CDH2: variants seen among roughly 807,000 people sequenced by gnomAD.
CDH2 encodes the protein cadherin 2, also known as cadherin-2.
A neutral mutation model predicts 92.0 loss-of-function variants in CDH2; 17 were observed. That is an observed-to-expected ratio of 0.18 (90% CI 0.13 to 0.28). CDH2 has a LOEUF of 0.28. Ranked by LOEUF, CDH2 falls within the 10% of genes least tolerant of loss-of-function variation. The pLI, the probability that CDH2 is intolerant of heterozygous loss-of-function variation, is 1.00. For synonymous variants in CDH2, 419 were observed against 415.9 expected (o/e 1.01, Z -0.09); for missense variants, 862 against 1,133.1 (o/e 0.76, Z 3.44).
chr18:28,013,705 G>A lies in CDH2; in HGVS notation c.377C>T (p.Thr126Ile), dbSNP rs770426519. Residue 126 changes from threonine (T) to isoleucine (I), a missense_variant, in exon 3 of 16, where the codon ACC (threonine) becomes ATC (isoleucine). Transcript: ENST00000269141. ...QVAVKLSLKPTLTEESVKESA... is the reference protein window; with the variant it reads ...QVAVKLSLKPILTEESVKESA... ...TACCTTCACTGACTCCTCAGTTAAG[G>A]TTGGCTTCAGGCTCAATTTTACTGC... 5.6e-6 allele frequency: 9 copies of A among 1,613,504 alleles called. No homozygotes were observed. The South Asian group carries it at 6.6e-5, about 12-fold the overall frequency.
intron 1 of CDH2, among the ~76,000 whole-genome samples, chr18:28,155,561 G>A (rs1012639769): frequency 6.6e-5 from 10 of 152,138 alleles, no homozygotes; most frequent in South Asian, 4.1e-4. Flanking sequence ...TTCATGATAC[G>A]TGATTTGTGG....
intron 2 of CDH2, among the ~76,000 whole-genome samples, chr18:28,099,063 T>C (rs1161280613): frequency 6.6e-6 from 1 of 152,176 alleles, no homozygotes; most frequent in Non-Finnish European, 1.5e-5. Context: ...TATTTTCTTT[T>C]TGCTCATCTG....
At chr18:28,156,181 C>T (rs2016207357) in intron 1 of CDH2, among the ~76,000 whole-genome samples, 1 of 152,118 alleles carries the variant, frequency 6.6e-6, no homozygotes, top group South Asian at 2.1e-4. Flanking sequence ...AGGATGTGTC[C>T]TTGAGTATCT....
chr18:28,080,755 G>A (rs769160471), intron 2 of CDH2, among the ~76,000 whole-genome samples: 8 of 152,168 alleles, frequency 5.3e-5, no homozygotes, highest in Non-Finnish European at 1.0e-4. Context: ...ACTGAGCACC[G>A]TGGATCCTCA....
chr18:27,974,382 C>A (rs1216172420), intron 14 of CDH2, among the ~76,000 whole-genome samples: 1 of 152,168 alleles, frequency 6.6e-6, no homozygotes. Flanking sequence ...AGAATGCAGG[C>A]CATGTTTCCA....
chr18:28,155,588 G>A (rs930723088), intron 1 of CDH2, among the ~76,000 whole-genome samples: 1 of 152,118 alleles, frequency 6.6e-6, no homozygotes, highest in Non-Finnish European at 1.5e-5. Context: ...GGATGGAGCC[G>A]CAGTACAGGG....
At chr18:27,958,510 T>TGTATATTTGTATATACAC (rs2011310946) in intron 15 of CDH2, among the ~76,000 whole-genome samples, 2 of 150,134 alleles carry the variant, frequency 1.3e-5, no homozygotes, top group Admixed American at 6.7e-5. Context: ...TTTATATATG[T>TGTATATTTGTATATACAC]ATATATGTGT....
intron 14 of CDH2, among the ~76,000 whole-genome samples, chr18:27,964,258 T>C (rs9964071): frequency 0.035 from 5,382 of 152,298 alleles, 161 homozygotes; most frequent in African/African-American, 0.068. Flanking sequence ...AAAAACAATC[T>C]GTCCGCTTTC....
At position 28,081,705 on chromosome 18, in the gene CDH2, A is replaced by G. The variant is rs117007736; in HGVS notation, c.172+65968T>C. On this transcript the variant is annotated intron_variant, in intron 2 of 15. Transcript: ENST00000269141. Reference sequence around the variant, plus strand: ...AGGACTGTCCATAAGACTTCCCTGAATAATGATGATGTTGCATTTATAAAA... The same window carrying G: ...AGGACTGTCCATAAGACTTCCCTGAGTAATGATGATGTTGCATTTATAAAA... Among the ~76,000 whole-genome samples, 270 of 152,346 alleles carry G rather than the reference A, an allele frequency of 1.8e-3. 5 individuals are homozygous for G. The highest frequency in any genetic ancestry group is 0.017 in the East Asian group (90 of 5,188).
At chr18:28,065,919 T>C (rs142204586) in intron 2 of CDH2, among the ~76,000 whole-genome samples, 278 of 152,256 alleles carry the variant, frequency 1.8e-3, no homozygotes, top group African/African-American at 5.3e-3. Context: ...TCCCTGGGCT[T>C]TGAGGATTAT....
At chr18:28,122,681 A>G (rs973437532) in intron 2 of CDH2, among the ~76,000 whole-genome samples, 4 of 152,190 alleles carry the variant, frequency 2.6e-5, no homozygotes, top group Non-Finnish European at 5.9e-5. Flanking sequence ...ACACTAAGAA[A>G]TAAACTCTTT....
intron 7 of CDH2, among the ~76,000 whole-genome samples, chr18:28,000,014 TTCCTGAGGCC>T (rs1428067732): frequency 2.6e-5 from 4 of 152,144 alleles, no homozygotes; most frequent in Non-Finnish European, 5.9e-5. Context: ...GATTGTAGGC[TTCCTGAGGCC>T]TCCCCAGCCA....
intron 6 of CDH2, among the ~76,000 whole-genome samples, chr18:27,938,882 G>A (rs1909076782): frequency 1.3e-5 from 2 of 152,072 alleles, no homozygotes; most frequent in Non-Finnish European, 2.9e-5. Flanking sequence ...GATATTCGAA[G>A]GAAAGCAAAA....
chr18:28,082,572 A>AT (rs1032040846), intron 2 of CDH2, among the ~76,000 whole-genome samples: 2 of 152,016 alleles, frequency 1.3e-5, no homozygotes, highest in Non-Finnish European at 2.9e-5. Flanking sequence ...ATTAATTTAC[A>AT]TTTTTTTCCT....
chr18:27,956,994 A>G (rs1314552889), intron 15 of CDH2, among the ~76,000 whole-genome samples: 2 of 152,186 alleles, frequency 1.3e-5, no homozygotes, highest in Non-Finnish European at 2.9e-5. Context: ...AGCTCCAGCA[A>G]CCACGACTGA....
intron 14 of CDH2, among the ~76,000 whole-genome samples, chr18:27,969,451 A>G (rs1333315777): frequency 6.6e-6 from 1 of 152,208 alleles, no homozygotes; most frequent in African/African-American, 2.4e-5. Flanking sequence ...TGAATGAGCT[A>G]TAGGTTCACT....
At chr18:28,130,796 T>C (rs2015755841) in intron 2 of CDH2, among the ~76,000 whole-genome samples, 1 of 152,180 alleles carries the variant, frequency 6.6e-6, no homozygotes, top group Non-Finnish European at 1.5e-5. Flanking sequence ...GTCAGAGCAA[T>C]AACCCCTCTT....
At chr18:28,078,248 G>C (rs1225517570) in intron 2 of CDH2, among the ~76,000 whole-genome samples, 1 of 152,076 alleles carries the variant, frequency 6.6e-6, no homozygotes, top group Non-Finnish European at 1.5e-5. Flanking sequence ...CTCCAGCGCT[G>C]AGAGAACCCC....
intron 2 of CDH2, among the ~76,000 whole-genome samples, chr18:28,066,742 C>CAAA (rs371551674): frequency 0.053 from 7,386 of 138,346 alleles, 603 homozygotes; most frequent in African/African-American, 0.18. Context: ...CTGTAAATTA[C>CAAA]AAAAAAAAAA....
Sources: allele counts gnomAD v4.1 joint callset (sites outside exome capture counted in the v4.1 genomes callset), GRCh38; gene constraint gnomAD v4.1.1; transcripts MANE v1.5; gene names NCBI Gene and HGNC (gene_info 2026-07-23, HGNC 2026-07-21).